BPTF: variants seen among roughly 807,000 people sequenced by gnomAD.
BPTF encodes the protein bromodomain PHD finger transcription factor.
Under a neutral mutation model 292.5 loss-of-function variants are expected in BPTF, and 18 were observed. That is an observed-to-expected ratio of 0.06 (90% CI 0.04 to 0.09). The LOEUF (loss-of-function observed/expected upper bound fraction) is 0.09, where lower values mean the gene tolerates loss of function less well. Among genes scored for constraint, BPTF ranks in the 10% least tolerant of loss-of-function variants. The pLI, the probability that BPTF is intolerant of heterozygous loss-of-function variation, is 1.00. For missense variants in BPTF, 2,726 were observed against 3,498.7 expected, an observed-to-expected ratio of 0.78 and a Z score of 5.57; for synonymous variants, 1,225 against 1,251.9, an observed-to-expected ratio of 0.98 and a Z score of 0.45.
chr17:67,878,077 C>T (rs1174084570), intron 4 of BPTF, among the ~76,000 whole-genome samples: 1 of 152,228 alleles, frequency 6.6e-6, no homozygotes, highest in East Asian at 1.9e-4. Context: ...AACAAAGGTA[C>T]TGACTATTCT....
intron 18 of BPTF, among the ~76,000 whole-genome samples, chr17:67,938,904 A>C (rs1281257302): frequency 6.6e-6 from 1 of 152,258 alleles, no homozygotes; most frequent in Non-Finnish European, 1.5e-5. Flanking sequence ...ACAATGACTT[A>C]AAACAGTTTT....
chr17:67,917,733 A>G (rs1005893703), intron 11 of BPTF, among the ~76,000 whole-genome samples: 1 of 151,994 alleles, frequency 6.6e-6, no homozygotes, highest in Non-Finnish European at 1.5e-5. Context: ...CCTGGGTTCA[A>G]TTGATTCTCC....
chr17:67,909,793 G>A, intron 10 of BPTF, 32 bp downstream of exon 10: 1 of 1,473,524 alleles, frequency 6.8e-7, no homozygotes, highest in Non-Finnish European at 9.0e-7. Flanking sequence ...GGGCAGCCTG[G>A]GGGTGATAAG....
intron 1 of BPTF, among the ~76,000 whole-genome samples, chr17:67,845,579 G>A (rs1405653854): frequency 6.6e-6 from 1 of 151,960 alleles, no homozygotes; most frequent in Non-Finnish European, 1.5e-5. Context: ...TTCAAGACCA[G>A]CCTGGGCAAT....
chr17:67,861,907 C>T (rs2059105552), intron 2 of BPTF, among the ~76,000 whole-genome samples: 1 of 152,238 alleles, frequency 6.6e-6, no homozygotes, highest in South Asian at 2.1e-4. Context: ...CCTTTCTTTC[C>T]CTGAACCCCT....
intron 1 of BPTF, among the ~76,000 whole-genome samples, chr17:67,828,958 G>A (rs2056382357): frequency 6.6e-6 from 1 of 152,200 alleles, no homozygotes; most frequent in African/African-American, 2.4e-5. Context: ...GCACATAGCA[G>A]GTGCTCATCA....
At chr17:67,888,479 A>T (rs2060886328) in intron 4 of BPTF, among the ~76,000 whole-genome samples, 1 of 151,190 alleles carries the variant, frequency 6.6e-6, no homozygotes, top group Non-Finnish European at 1.5e-5. Context: ...AATCCCAGCT[A>T]CTGGGGAGGC....
At chr17:67,948,868 G>A (rs935448719) in intron 23 of BPTF, among the ~76,000 whole-genome samples, 4 of 152,130 alleles carry the variant, frequency 2.6e-5, no homozygotes, top group Non-Finnish European at 5.9e-5. Flanking sequence ...CACAGCCCAG[G>A]TACTCGAGAG....
At chr17:67,897,360 A>AAAAAAAAAAAAAAAAAAAAAAT (rs1343029166) in intron 7 of BPTF, among the ~76,000 whole-genome samples, 1 of 149,914 alleles carries the variant, frequency 6.7e-6, no homozygotes, top group African/African-American at 2.4e-5. Context: ...AAAAAAAAAA[A>AAAAAAAAAAAAAAAAAAAAAAT]AAAAAAAAAA....
At chr17:67,876,361 A>T (rs962107356) in intron 4 of BPTF, among the ~76,000 whole-genome samples, 7 of 152,338 alleles carry the variant, frequency 4.6e-5, no homozygotes, top group African/African-American at 1.7e-4. Context: ...GACGACTTCC[A>T]TTTGAGTACT....
At chr17:67,868,398 C>G (rs1598339302) in intron 3 of BPTF, among the ~76,000 whole-genome samples, 1 of 152,266 alleles carries the variant, frequency 6.6e-6, no homozygotes, top group African/African-American at 2.4e-5. Flanking sequence ...TTCCAGAGCC[C>G]TCTGCAGATA....
rs201030912 is a variant in BPTF at position 67,940,653 on chromosome 17, C to T, written c.6474C>T (p.Gly2158=). 2.9e-5 allele frequency: 46 copies of T among 1,612,058 alleles called. No homozygotes were observed. Among genetic ancestry groups the T allele is most frequent in the Middle Eastern group, 1.7e-4 (1 of 6,056 alleles). ...CTCAACTTACTCAGTTAACACAGGG[C>T]CACGTAAGTAACATAAGCTTTATTT... The part of the protein sequence containing the change: ...TMAQLTQLTQ[G]HGGNQGLTVV... Residue 2158 remains glycine, a synonymous_variant, in exon 19 of 28, where the codon GGC becomes GGT. Coordinates refer to ENST00000306378, the MANE Select transcript of BPTF (RefSeq NM_182641.4).
At chr17:67,924,442 TATC>T (rs2063704903) in intron 14 of BPTF, 102 bp from the exon 15 acceptor site, 5 of 1,139,856 alleles carry the variant, frequency 4.4e-6, no homozygotes, top group African/African-American at 1.6e-5. Flanking sequence ...ATTGAGATAA[TATC>T]ATACCTTTGT....
intron 23 of BPTF, among the ~76,000 whole-genome samples, chr17:67,958,593 G>A (rs1331796295): frequency 4.6e-5 from 7 of 152,060 alleles, no homozygotes; most frequent in Admixed American, 3.9e-4. Flanking sequence ...GCTGGGTATG[G>A]TGGTGGGTGC....
chr17:67,960,175 A>G (rs1250904800), intron 24 of BPTF: 1 of 256,030 alleles, frequency 3.9e-6, no homozygotes, highest in Non-Finnish European at 7.5e-6. Context: ...TGAGTAATTG[A>G]TGTCTGGAGA....
chr17:67,963,474 C>A, intron 24 of BPTF: 1 of 1,535,572 alleles, frequency 6.5e-7, no homozygotes, highest in Non-Finnish European at 8.7e-7. Context: ...AGGAATTGTA[C>A]TGTATCTGCA....
In BPTF at chr17:67,976,685, CAAAAAAAAAAAAA is replaced by C. The variant is rs1156404121; in HGVS notation, c.8726+745_8726+757del. Among the ~76,000 whole-genome samples, 108 of 24,862 alleles carry C rather than the reference CAAAAAAAAAAAAA, an allele frequency of 4.3e-3. 1 individual carries two copies. The highest frequency in any genetic ancestry group is 4.9e-3 in the Admixed American group (9 of 1,830). The allele number at this position is 24,862 out of a possible 152,430, so 16.3% of individuals were successfully genotyped here. On this transcript the variant is annotated intron_variant, in intron 27 of 27. Transcript: ENST00000306378. ...TGAGTGACAGAGTGAGACCCTGTCT[CAAAAAAAAAAAAA>C]AAAAAAAAAAAAAAAAATAAGAATA...
At chr17:67,920,400 T>G (rs1233256071) in intron 13 of BPTF, among the ~76,000 whole-genome samples, 1 of 152,202 alleles carries the variant, frequency 6.6e-6, no homozygotes, top group East Asian at 1.9e-4. Flanking sequence ...GAGACATTGA[T>G]TGACCCCAGA....
chr17:67,884,137 TC>T (rs1206788315), intron 4 of BPTF, among the ~76,000 whole-genome samples: 1 of 126,556 alleles, frequency 7.9e-6, no homozygotes, highest in Non-Finnish European at 1.6e-5. Context: ...GCATTTTCTT[TC>T]TTTTTTTTTT....
Sources: gnomAD v4.1 joint callset for allele counts (sites outside exome capture counted in the v4.1 genomes callset) on GRCh38, gnomAD v4.1.1 for gene constraint, MANE v1.5 for transcripts, NCBI Gene and HGNC (gene_info 2026-07-23, HGNC 2026-07-21) for gene names.